SORL1: variants seen among roughly 807,000 people sequenced by gnomAD.
The protein encoded by SORL1 is sortilin related receptor 1.
A neutral mutation model predicts 273.7 loss-of-function variants in SORL1; 127 were observed. The ratio of observed to expected loss-of-function variants is 0.46; its 90% CI spans 0.40 to 0.54. The LOEUF (loss-of-function observed/expected upper bound fraction) is 0.54, where lower values mean the gene tolerates loss of function less well. SORL1 is among the 20% of genes least tolerant of loss of function. SORL1 has a pLI of 0.00. For missense variants in SORL1, 2,494 were observed against 2,846.1 expected (o/e 0.88, Z 2.81); for synonymous variants, 1,031 against 1,067.4 (o/e 0.97, Z 0.66).
At chr11:121,488,260 G>A in intron 4 of SORL1, 67 bp downstream of exon 4, 1 of 1,537,926 alleles carries the variant, frequency 6.5e-7, no homozygotes, top group Non-Finnish European at 8.9e-7. Context: ...TGTGTGGATT[G>A]TGTGTCCTTT....
chr11:121,626,795 C>T (rs1333001201), intron 46 of SORL1: 4 of 152,120 alleles, frequency 2.6e-5, no homozygotes, highest in Non-Finnish European at 5.9e-5. Flanking sequence ...AAAAGTCTAC[C>T]GTTTTCAAGG....
chr11:121,585,849 G>A (rs1457552306), intron 26 of SORL1, among the ~76,000 whole-genome samples: 1 of 151,992 alleles, frequency 6.6e-6, no homozygotes, highest in Non-Finnish European at 1.5e-5. Flanking sequence ...GTGTTCCAGT[G>A]TACAGTAATT....
Position 121,588,135 on chromosome 11 carries a change from G to A in SORL1, c.3930G>A (p.Ala1310=), listed in dbSNP as rs376504124. The A allele has an allele frequency of 1.0e-4, 168 of 1,613,248 alleles. No homozygotes were observed. The highest frequency in any genetic ancestry group is 1.3e-4 in the Non-Finnish European group (156 of 1,179,580). ...GCCGCGACGGGTCCGATGAGGATGCGGCGTTTGCAGGATGCTGTGAGTTGG... is the reference window on the plus strand; with the variant it reads ...GCCGCGACGGGTCCGATGAGGATGCAGCGTTTGCAGGATGCTGTGAGTTGG... The part of the protein sequence containing the change: ...IQCRDGSDED[A]AFAGCSQDPE... The change falls in exon 28 of 48, where the codon GCG becomes GCA. Residue 1310 remains alanine (A), a synonymous_variant. Transcript: ENST00000260197.
intron 38 of SORL1, 91 bp downstream of exon 38, chr11:121,608,267 A>G: frequency 9.2e-7 from 1 of 1,082,640 alleles, no homozygotes. Flanking sequence ...GGAGAAACGT[A>G]GTTTAGAAAA....
intron 5 of SORL1, among the ~76,000 whole-genome samples, chr11:121,493,145 A>T (rs551885995): frequency 4.4e-4 from 67 of 152,106 alleles, no homozygotes; most frequent in African/African-American, 1.6e-3. Context: ...TCCCTAGCTA[A>T]TTTTTACATT....
chr11:121,555,265 G>T lies in SORL1; in HGVS notation c.2518G>T (p.Glu840Ter). ...GLETVEALAF[E>*]PLSQLLYWVD... Reference sequence around the variant, plus strand: ...GGAGACAGTAGAAGCTTTGGCTTTTGAACCCCTCAGCCAGCTGCTTTACTG... The same window carrying T: ...GGAGACAGTAGAAGCTTTGGCTTTTTAACCCCTCAGCCAGCTGCTTTACTG... Residue 840 changes from glutamate (E) to a stop codon, truncating the protein, a stop_gained, in exon 18 of 48, where the codon GAA becomes TAA. Transcript: ENST00000260197. LOFTEE classifies it high-confidence loss of function. The T allele has an allele frequency of 6.2e-7, 1 of 1,614,084 alleles. No individual in the cohort carries two copies. The highest frequency in any genetic ancestry group is 8.5e-7 in the Non-Finnish European group (1 of 1,179,930).
At chr11:121,466,832 T>A (rs1861088982) in intron 1 of SORL1, among the ~76,000 whole-genome samples, 1 of 152,084 alleles carries the variant, frequency 6.6e-6, no homozygotes, top group African/African-American at 2.4e-5. Flanking sequence ...TTCCTGCGAG[T>A]GCCTGGTGGC....
intron 3 of SORL1, among the ~76,000 whole-genome samples, chr11:121,478,468 A>G (rs1238062677): frequency 2.0e-5 from 3 of 152,226 alleles, no homozygotes; most frequent in Non-Finnish European, 4.4e-5. Context: ...CAGGATTTCT[A>G]GACAAACAAT....
Position 121,557,368 on chromosome 11 carries a change from G to T in SORL1, c.2626G>T (p.Asp876Tyr). ...CACAATCGTCAATTCCTCTGTGCTT[G>T]ATCGTCCCAGGGCTCTGGTCCTCGT... ...RLTIVNSSVL[D>Y]RPRALVLVPQ... Residue 876 changes from aspartate to tyrosine, a missense_variant, in exon 19 of 48, where the codon GAT becomes TAT. By Grantham distance (160) the Asp-to-Tyr change is radical. This residue lies in a region of SORL1 where 1,609 missense variants were observed against 1,816.4 expected (regional missense o/e 0.89). Coordinates refer to ENST00000260197, the MANE Select transcript of SORL1 (RefSeq NM_003105.6). The T allele has an allele frequency of 6.2e-7, 1 of 1,614,204 alleles. No homozygotes were observed. Among genetic ancestry groups the T allele is most frequent in the Non-Finnish European group, 8.5e-7 (1 of 1,180,022 alleles).
At chr11:121,588,523 G>A (rs1863156957) in intron 28 of SORL1, among the ~76,000 whole-genome samples, 1 of 152,166 alleles carries the variant, frequency 6.6e-6, no homozygotes, top group South Asian at 2.1e-4. Flanking sequence ...ACCCTGCTTC[G>A]ATGATCCTGT....
chr11:121,558,869 C>A lies in SORL1; in HGVS notation c.2910+32C>A, dbSNP rs779966782. ...CCATTTGTTGCTGCCGGACAGTCTG[C>A]TAGAGCGGGTGAGGAGCATATGAGA... On this transcript the variant is annotated intron_variant, in intron 20 of 47. Transcript: ENST00000260197. The A allele has an allele frequency of 5.0e-6, 8 of 1,612,138 alleles. No individual in the cohort carries two copies. In the East Asian group the frequency reaches 1.8e-4, roughly 36 times the overall value.
rs1361297867 is a variant in SORL1 at position 121,574,125 on chromosome 11, T to G, written c.3338-116T>G. On this transcript the variant is annotated intron_variant, in intron 23 of 47. Transcript: ENST00000260197. ...CTGTAAGTCTAGGTTTAATTTCTGT[T>G]GCTACAATTAATACCTGCTTTCTTC... 1.3e-5 allele frequency: 13 copies of G among 1,012,462 alleles called. No individual in the cohort carries two copies. In the East Asian group the frequency reaches 3.2e-4, roughly 25 times the overall value. 62.7% of individuals were successfully genotyped at this position (1,012,462 alleles called of 1,614,324 possible).
At chr11:121,458,952 A>G (rs1001157748) in intron 1 of SORL1, among the ~76,000 whole-genome samples, 1 of 152,192 alleles carries the variant, frequency 6.6e-6, no homozygotes, top group African/African-American at 2.4e-5. Flanking sequence ...AAATAATTAC[A>G]AAGTTCTGTT....
In SORL1 at chr11:121,497,079, C is replaced by G. The variant is rs767380419; in HGVS notation, c.939+30C>G. The stretch of plus-strand genomic sequence containing the variant: ...GTTGAATGTACTAAAGAATAAACTA[C>G]TTTTGAGTTTCCTTTGTGAAGTTTG... On this transcript the variant is annotated intron_variant, in intron 6 of 47. Coordinates refer to ENST00000260197, the MANE Select transcript of SORL1 (RefSeq NM_003105.6). 2.5e-6 allele frequency: 4 copies of G among 1,584,128 alleles called. No individual in the cohort carries two copies. In the South Asian group the frequency reaches 4.4e-5, roughly 18 times the overall value.
intron 37 of SORL1, among the ~76,000 whole-genome samples, chr11:121,607,650 A>T (rs760365552): frequency 1.2e-4 from 18 of 152,144 alleles, no homozygotes; most frequent in Non-Finnish European, 2.4e-4. Flanking sequence ...AGTCTTTCTA[A>T]ACTGATTTTA....
rs114921128 is a variant in SORL1, at chr11:121,570,194, C to T, written c.3261C>T (p.Asn1087=). The T allele has an allele frequency of 1.5e-3, 2,499 of 1,613,912 alleles. 37 individuals are homozygous for T. In the African/African-American group the frequency reaches 0.029, roughly 19 times the overall value. ...TCLRNQYRCS[N]GNCINSIWWC... ...TTCGCAACCAGTATCGCTGCAGCAA[C>T]GGGAACTGTATCAACAGCATTTGGT... The change falls in exon 23 of 48, where the codon AAC becomes AAT. Residue 1087 remains asparagine, a synonymous_variant. Coordinates refer to ENST00000260197, the MANE Select transcript of SORL1 (RefSeq NM_003105.6).
chr11:121,547,397 T>G (rs1412460658), intron 14 of SORL1, among the ~76,000 whole-genome samples: 4 of 100,722 alleles, frequency 4.0e-5, no homozygotes, highest in Non-Finnish European at 7.3e-5. Flanking sequence ...TCTCTTGCCC[T>G]ACATTTCCCC....
At chr11:121,580,741 G>A (rs1324628805) in intron 25 of SORL1, among the ~76,000 whole-genome samples, 2 of 151,310 alleles carry the variant, frequency 1.3e-5, no homozygotes, top group African/African-American at 4.9e-5. Flanking sequence ...AGTAGCTGGG[G>A]CTACAGACAT....
In SORL1 at chr11:121,621,179, A is replaced by G; in HGVS notation, c.6005A>G (p.Tyr2002Cys). The change falls in exon 44 of 48, where the codon TAC (tyrosine) becomes TGC (cysteine). Residue 2002 changes from tyrosine to cysteine, a missense_variant. Physicochemically the swap from Tyr to Cys is radical, Grantham distance 194. Transcript: ENST00000260197. ...TLNKLEPGGK[Y>C]HIIVQLGNMS... Reference sequence around the variant, plus strand: ...AACAAGTTGGAGCCTGGCGGGAAATACCACATCATTGTCCAACTGGGGAAC... The same window carrying G: ...AACAAGTTGGAGCCTGGCGGGAAATGCCACATCATTGTCCAACTGGGGAAC... The G allele has an allele frequency of 6.2e-7, 1 of 1,614,230 alleles. No individual in the cohort carries two copies. Among genetic ancestry groups the G allele is most frequent in the Non-Finnish European group, 8.5e-7 (1 of 1,180,022 alleles).
Sources: gnomAD v4.1 joint callset for allele counts (sites outside exome capture counted in the v4.1 genomes callset) on GRCh38, gnomAD v4.1.1 for gene constraint, gnomAD v4.1.1 regional missense constraint, MANE v1.5 for transcripts, NCBI Gene and HGNC (gene_info 2026-07-23, HGNC 2026-07-21) for gene names.